SLIT2: variants seen among roughly 807,000 people sequenced by gnomAD.
SLIT2 encodes the protein slit guidance ligand 2.
Under a neutral mutation model 185.7 loss-of-function variants are expected in SLIT2, and 41 were observed. The observed-to-expected ratio is 0.22, with a 90% CI of 0.17 to 0.29. The LOEUF (loss-of-function observed/expected upper bound fraction) is 0.29. Among genes scored for constraint, SLIT2 ranks in the 10% least tolerant of loss-of-function variants. The pLI is 1.00. For missense variants in SLIT2, 1,571 were observed against 1,909.0 expected (o/e 0.82, Z 3.30); for synonymous variants, 693 against 680.2 (o/e 1.02, Z -0.29).
At chr4:20,568,658 TA>T (rs1725303611) in intron 28 of SLIT2, among the ~76,000 whole-genome samples, 1 of 152,052 alleles carries the variant, frequency 6.6e-6, no homozygotes, top group African/African-American at 2.4e-5. Context: ...GCATAAATTT[TA>T]TTTTTTGAAG....
chr4:20,450,256 C>A (rs1276331478), intron 4 of SLIT2, among the ~76,000 whole-genome samples: 4 of 152,186 alleles, frequency 2.6e-5, no homozygotes, highest in Admixed American at 2.6e-4. Flanking sequence ...CTCTCTAAAG[C>A]TGTGACAAGA....
intron 4 of SLIT2, among the ~76,000 whole-genome samples, chr4:20,340,122 G>A (rs1720840259): frequency 6.6e-6 from 1 of 152,078 alleles, no homozygotes; most frequent in Non-Finnish European, 1.5e-5. Flanking sequence ...TGGGAACGTA[G>A]TAGGTGTATA....
chr4:20,308,700 C>A (rs1325251343), intron 4 of SLIT2, among the ~76,000 whole-genome samples: 5 of 151,590 alleles, frequency 3.3e-5, no homozygotes, highest in African/African-American at 1.2e-4. Flanking sequence ...TTATATATAC[C>A]CTTAATTTTT....
intron 4 of SLIT2, among the ~76,000 whole-genome samples, chr4:20,345,611 C>T (rs758652144): frequency 1.4e-5 from 2 of 145,848 alleles, no homozygotes; most frequent in Non-Finnish European, 3.0e-5. Context: ...TCTTGGCTCA[C>T]GGCAACCTCC....
At chr4:20,366,975 T>C (rs1196277270) in intron 4 of SLIT2, among the ~76,000 whole-genome samples, 1 of 151,984 alleles carries the variant, frequency 6.6e-6, no homozygotes, top group African/African-American at 2.4e-5. Flanking sequence ...TTTTCTGATA[T>C]TTTTACAGAG....
chr4:20,537,042 T>C (rs943839462), intron 18 of SLIT2, among the ~76,000 whole-genome samples: 2 of 152,184 alleles, frequency 1.3e-5, no homozygotes, highest in African/African-American at 2.4e-5. Context: ...TAGCAATACC[T>C]TCTTCTGGAA....
At chr4:20,419,205 A>G (rs1727958828) in intron 4 of SLIT2, among the ~76,000 whole-genome samples, 1 of 152,186 alleles carries the variant, frequency 6.6e-6, no homozygotes, top group African/African-American at 2.4e-5. Flanking sequence ...AGACATGTCA[A>G]CTGTTGAAAG....
intron 4 of SLIT2, among the ~76,000 whole-genome samples, chr4:20,354,942 A>G (rs1216956026): frequency 1.3e-5 from 2 of 150,478 alleles, no homozygotes; most frequent in Non-Finnish European, 2.9e-5. Flanking sequence ...AGAGAGAGAG[A>G]GAGAAGCAAG....
At chr4:20,288,157 G>A (rs1295520079) in intron 4 of SLIT2, among the ~76,000 whole-genome samples, 2 of 152,140 alleles carry the variant, frequency 1.3e-5, no homozygotes, top group African/African-American at 4.8e-5. Context: ...ACATATTATT[G>A]TAATTTATCT....
At chr4:20,517,529 A>T (rs1560493750) in intron 11 of SLIT2, among the ~76,000 whole-genome samples, 1 of 151,064 alleles carries the variant, frequency 6.6e-6, no homozygotes, top group Non-Finnish European at 1.5e-5. Context: ...ACAATATAGA[A>T]TCCTCTCTTT....
At chr4:20,570,565 T>G (rs1164288170) in intron 29 of SLIT2, among the ~76,000 whole-genome samples, 2 of 151,522 alleles carry the variant, frequency 1.3e-5, no homozygotes, top group African/African-American at 4.8e-5. Context: ...AATTCTCTTT[T>G]CCATCATTTT....
intron 29 of SLIT2, among the ~76,000 whole-genome samples, chr4:20,583,454 G>A (rs1383743365): frequency 6.6e-6 from 1 of 152,196 alleles, no homozygotes; most frequent in Admixed American, 6.5e-5. Flanking sequence ...ATACTAGGAA[G>A]GAAGTAGAAA....
At chr4:20,465,217 C>A (rs1714203471) in intron 4 of SLIT2, among the ~76,000 whole-genome samples, 1 of 152,122 alleles carries the variant, frequency 6.6e-6, no homozygotes. Flanking sequence ...CCTATGTTTT[C>A]CACATATGTA....
chr4:20,592,601 C>G (rs183257457), intron 30 of SLIT2, among the ~76,000 whole-genome samples: 2 of 152,002 alleles, frequency 1.3e-5, no homozygotes, highest in Non-Finnish European at 2.9e-5. Flanking sequence ...CTTAGACAGC[C>G]GCTATGGTGG....
Position 20,392,977 on chromosome 4 carries a change from A to G in SLIT2, c.396-74775A>G, listed in dbSNP as rs145950113. ...ATAGTATAGTATAGTAAATACATAC[A>G]CCGTACTGTAAGTACATAATATTAG... On this transcript the variant is annotated intron_variant, in intron 4 of 36. Transcript: ENST00000504154. Among the ~76,000 whole-genome samples the G allele has an allele frequency of 1.4e-4, 22 of 152,198 alleles. No individual in the cohort carries two copies. In the East Asian group the frequency reaches 4.3e-3, roughly 29 times the overall value.
intron 4 of SLIT2, among the ~76,000 whole-genome samples, chr4:20,463,515 ATGTGTGTGTGTGTG>A (rs375793654): frequency 8.9e-6 from 1 of 112,342 alleles, no homozygotes; most frequent in Non-Finnish European, 1.8e-5. Context: ...ATATCCATAT[ATGTGTGTGTGTGTG>A]TGTGTGTGTG....
chr4:20,464,409 A>G (rs1027853152), intron 4 of SLIT2, among the ~76,000 whole-genome samples: 3 of 152,160 alleles, frequency 2.0e-5, no homozygotes, highest in African/African-American at 7.2e-5. Context: ...CAATTTCCAG[A>G]TTAATCTTCC....
intron 4 of SLIT2, among the ~76,000 whole-genome samples, chr4:20,337,003 A>G (rs1163052761): frequency 2.6e-5 from 4 of 152,190 alleles, no homozygotes; most frequent in African/African-American, 4.8e-5. Context: ...CAGGGGTCCA[A>G]TTGCTTCCTA....
At chr4:20,442,457 G>T (rs1158372858) in intron 4 of SLIT2, among the ~76,000 whole-genome samples, 1 of 151,022 alleles carries the variant, frequency 6.6e-6, no homozygotes, top group Non-Finnish European at 1.5e-5. Context: ...CCAGGAGGCG[G>T]AGCTTGCAGT....
Sources: gnomAD v4.1 joint callset for allele counts (sites outside exome capture counted in the v4.1 genomes callset) on GRCh38, gnomAD v4.1.1 for gene constraint, MANE v1.5 for transcripts, NCBI Gene and HGNC (gene_info 2026-07-23, HGNC 2026-07-21) for gene names.